LUZP2: variants seen among roughly 807,000 people sequenced by gnomAD.
The protein encoded by LUZP2 is leucine zipper protein 2.
A neutral mutation model predicts 51.6 loss-of-function variants in LUZP2; 52 were observed. The ratio of observed to expected loss-of-function variants is 1.01; its 90% CI spans 0.81 to 1.27. The LOEUF is 1.27. LUZP2 is among the 50% of genes most tolerant of loss of function. The pLI is 0.00. For synonymous variants in LUZP2, 154 were observed against 137.3 expected (o/e 1.12, Z -0.85); for missense variants, 436 against 395.4 (o/e 1.10, Z -0.87).
chr11:24,981,990 G>T (rs560754796), intron 8 of LUZP2, among the ~76,000 whole-genome samples: 3 of 151,930 alleles, frequency 2.0e-5, no homozygotes, highest in African/African-American at 4.8e-5. Context: ...CACACATGTG[G>T]CCAACAAGCA....
intron 4 of LUZP2, among the ~76,000 whole-genome samples, chr11:24,744,759 G>C (rs765287397): frequency 6.6e-6 from 1 of 151,846 alleles, no homozygotes; most frequent in Non-Finnish European, 1.5e-5. Flanking sequence ...GTTTGGGTTT[G>C]GTTTGTTCTT....
chr11:24,704,195 G>A (rs1323042373), intron 1 of LUZP2, among the ~76,000 whole-genome samples: 1 of 152,108 alleles, frequency 6.6e-6, no homozygotes, highest in African/African-American at 2.4e-5. Context: ...GTCTTTGGAG[G>A]GGAAAGGGAC....
chr11:24,718,630 A>C (rs1858147131), intron 1 of LUZP2, among the ~76,000 whole-genome samples: 1 of 152,200 alleles, frequency 6.6e-6, no homozygotes, highest in East Asian at 1.9e-4. Context: ...TAAGTACAAA[A>C]CAGTGTGCTA....
intron 1 of LUZP2, among the ~76,000 whole-genome samples, chr11:24,601,352 A>G (rs2133862773): frequency 6.6e-6 from 1 of 152,184 alleles, no homozygotes; most frequent in East Asian, 1.9e-4. Context: ...AGAATTGTAG[A>G]TAACAAATGT....
intron 4 of LUZP2, among the ~76,000 whole-genome samples, chr11:24,744,536 C>T (rs1374460522): frequency 6.6e-6 from 1 of 152,034 alleles, no homozygotes; most frequent in African/African-American, 2.4e-5. Flanking sequence ...TTTTGTATTT[C>T]AGTGGTGTCA....
intron 7 of LUZP2, among the ~76,000 whole-genome samples, chr11:24,960,848 G>T (rs547976882): frequency 5.9e-5 from 9 of 151,942 alleles, no homozygotes; most frequent in East Asian, 5.8e-4. Context: ...TAGGGTGTCA[G>T]TTTTGGATCT....
intron 4 of LUZP2, among the ~76,000 whole-genome samples, chr11:24,745,033 G>C (rs1859326260): frequency 6.6e-6 from 1 of 152,028 alleles, no homozygotes; most frequent in Admixed American, 6.6e-5. Context: ...GTTTCTTTTG[G>C]AGTTGATTTC....
At chr11:24,601,935 T>TATGTATATATGTATAA (rs1565019749) in intron 1 of LUZP2, among the ~76,000 whole-genome samples, 4 of 116,512 alleles carry the variant, frequency 3.4e-5, no homozygotes, top group African/African-American at 1.3e-4. Context: ...TATATGTATA[T>TATGTATATATGTATAA]ATGTATATAT....
chr11:24,749,558 G>A (rs1270514313), intron 4 of LUZP2, among the ~76,000 whole-genome samples: 1 of 152,182 alleles, frequency 6.6e-6, no homozygotes, highest in Non-Finnish European at 1.5e-5. Context: ...TGAGCTGTCA[G>A]CACAGCTGGA....
At chr11:24,826,175 CAA>C (rs10625331) in intron 5 of LUZP2, among the ~76,000 whole-genome samples, 1 of 60,110 alleles carries the variant, frequency 1.7e-5, no homozygotes, top group African/African-American at 5.3e-5. Flanking sequence ...GACTCCATCT[CAA>C]AAAAAAAAAA....
chr11:24,999,190 C>A (rs1321258123), intron 9 of LUZP2, among the ~76,000 whole-genome samples: 1 of 152,262 alleles, frequency 6.6e-6, no homozygotes, highest in East Asian at 1.9e-4. Flanking sequence ...TAGCCTCCAA[C>A]TCTAATTATG....
At chr11:24,784,062 G>A (rs548802914) in intron 5 of LUZP2, among the ~76,000 whole-genome samples, 11 of 151,902 alleles carry the variant, frequency 7.2e-5, no homozygotes, top group Admixed American at 2.0e-4. Flanking sequence ...CCCTAGACAC[G>A]GAGTTTGGAC....
intron 7 of LUZP2, among the ~76,000 whole-genome samples, chr11:24,945,591 A>G (rs183556508): frequency 6.0e-5 from 9 of 150,986 alleles, no homozygotes; most frequent in African/African-American, 1.9e-4. Context: ...TTATAGAAAT[A>G]GTTTCAACCT....
At chr11:24,569,582 G>T (rs775056319) in intron 1 of LUZP2, among the ~76,000 whole-genome samples, 2 of 151,896 alleles carry the variant, frequency 1.3e-5, no homozygotes, top group Admixed American at 6.6e-5. Flanking sequence ...AATGAAAATA[G>T]GAAATTATGC....
At chr11:25,057,096 A>T (rs1458704026) in intron 10 of LUZP2, among the ~76,000 whole-genome samples, 1 of 152,086 alleles carries the variant, frequency 6.6e-6, no homozygotes, top group Non-Finnish European at 1.5e-5. Context: ...CATTTATTGC[A>T]GGTTTATTAT....
intron 5 of LUZP2, among the ~76,000 whole-genome samples, chr11:24,797,485 T>C (rs1386059290): frequency 1.3e-5 from 2 of 152,150 alleles, no homozygotes; most frequent in East Asian, 3.9e-4. Flanking sequence ...CCATTTCACA[T>C]GTGAAGAAAC....
chr11:24,891,977 G>C (rs1852869372), intron 5 of LUZP2: 4 of 985,618 alleles, frequency 4.1e-6, no homozygotes, highest in Non-Finnish European at 3.6e-6. Context: ...GTCCAGTACA[G>C]TAGGTATAGC....
chr11:25,071,036 T>C (rs564666551), intron 10 of LUZP2, among the ~76,000 whole-genome samples: 2 of 152,086 alleles, frequency 1.3e-5, no homozygotes, highest in East Asian at 3.9e-4. Context: ...AAACCATTCG[T>C]GTAAAGCATA....
chr11:25,076,518 G>A (rs1200992612), intron 10 of LUZP2, among the ~76,000 whole-genome samples: 1 of 150,326 alleles, frequency 6.7e-6, no homozygotes, highest in East Asian at 2.0e-4. Context: ...AAAAGTATCA[G>A]TAAGTAAAAA....
Sources: gnomAD v4.1 joint callset for allele counts (sites outside exome capture counted in the v4.1 genomes callset) on GRCh38, gnomAD v4.1.1 for gene constraint, MANE v1.5 for transcripts, NCBI Gene and HGNC (gene_info 2026-07-23, HGNC 2026-07-21) for gene names.